Variants in DIP2C observed in about 807,000 individuals in gnomAD.
The protein encoded by DIP2C is disco-interacting protein 2 homolog C.
DIP2C carries 33 observed loss-of-function variants against 192.4 expected under a neutral mutation model. The ratio of observed to expected loss-of-function variants is 0.17; its 90% CI spans 0.13 to 0.23. DIP2C has a LOEUF of 0.23. Among genes scored for constraint, DIP2C ranks in the 10% least tolerant of loss-of-function variants. The pLI, the probability that DIP2C is intolerant of heterozygous loss-of-function variation, is 1.00. For synonymous variants in DIP2C, 979 were observed against 864.1 expected, an observed-to-expected ratio of 1.13 and a Z score of -2.33; for missense variants, 1,537 against 2,110.1, an observed-to-expected ratio of 0.73 and a Z score of 5.32.
rs1316756659 is a variant in DIP2C at position 389,975 on chromosome 10, G to A, written c.1597+16C>T. 8 of 1,605,164 alleles carry A rather than the reference G, an allele frequency of 5.0e-6. No individual in the cohort carries two copies. Among genetic ancestry groups the A allele is most frequent in the Non-Finnish European group, 6.0e-6 (7 of 1,174,862 alleles). On this transcript the variant is annotated intron_variant, in intron 13 of 36. Transcript: ENST00000280886. The stretch of plus-strand genomic sequence containing the variant: ...TTAGAACCAGGGTCCCAAGGAGTCA[G>A]GGTCTGGCACCCCACCTTCCGTGTA...
chr10:638,757 C>A (rs1344935568), intron 1 of DIP2C, among the ~76,000 whole-genome samples: 1 of 152,220 alleles, frequency 6.6e-6, no homozygotes, highest in East Asian at 1.9e-4. Flanking sequence ...GGCATTTATT[C>A]ACCCAGGACA....
At chr10:420,819 G>A (rs1268666152) in intron 5 of DIP2C, among the ~76,000 whole-genome samples, 1 of 152,114 alleles carries the variant, frequency 6.6e-6, no homozygotes, top group Admixed American at 6.5e-5. Context: ...CTGCAGCCCT[G>A]GGCTTTTCTC....
intron 1 of DIP2C, among the ~76,000 whole-genome samples, chr10:534,664 G>T (rs1251982912): frequency 7.3e-6 from 1 of 136,870 alleles, no homozygotes; most frequent in African/African-American, 2.8e-5. Flanking sequence ...TCTGCTGGAT[G>T]ATTATTATTT....
intron 1 of DIP2C, among the ~76,000 whole-genome samples, chr10:647,315 C>T (rs1286051761): frequency 3.6e-3 from 123 of 33,988 alleles, no homozygotes; most frequent in Admixed American, 6.0e-3. Flanking sequence ...CATTGGACGG[C>T]GGGAGAGAAC....
chr10:584,286 T>C (rs1302129545), intron 1 of DIP2C, among the ~76,000 whole-genome samples: 3 of 152,258 alleles, frequency 2.0e-5, no homozygotes, highest in Non-Finnish European at 4.4e-5. Flanking sequence ...AGCCATCATG[T>C]CCTGTTGAAA....
intron 1 of DIP2C, among the ~76,000 whole-genome samples, chr10:548,115 G>A (rs958761478): frequency 4.6e-5 from 7 of 151,962 alleles, no homozygotes; most frequent in East Asian, 1.9e-4. Context: ...ACCAGGTGGT[G>A]TGGTGGTCCC....
chr10:582,225 G>A (rs939357212), intron 1 of DIP2C, among the ~76,000 whole-genome samples: 2 of 152,254 alleles, frequency 1.3e-5, no homozygotes, highest in Non-Finnish European at 1.5e-5. Context: ...AAGCCCTACC[G>A]GCCAGCACCC....
intron 9 of DIP2C, among the ~76,000 whole-genome samples, chr10:400,827 T>C (rs1378844234): frequency 5.3e-5 from 8 of 151,154 alleles, no homozygotes; most frequent in Admixed American, 3.3e-4. Flanking sequence ...AAGTTTGGTA[T>C]GTGTTCCTCA....
At chr10:640,451 C>T (rs1855107752) in intron 1 of DIP2C, among the ~76,000 whole-genome samples, 1 of 152,236 alleles carries the variant, frequency 6.6e-6, no homozygotes, top group Non-Finnish European at 1.5e-5. Context: ...GGCTCCCTTG[C>T]GCCCTGACAG....
At chr10:340,365 G>C (rs1958084480) in intron 29 of DIP2C, among the ~76,000 whole-genome samples, 1 of 151,866 alleles carries the variant, frequency 6.6e-6, no homozygotes, top group Non-Finnish European at 1.5e-5. Flanking sequence ...AAAAAAAAGG[G>C]GGGAAAGCAG....
At chr10:435,723 C>T (rs1010745976) in intron 4 of DIP2C, among the ~76,000 whole-genome samples, 3 of 152,156 alleles carry the variant, frequency 2.0e-5, no homozygotes, top group South Asian at 2.1e-4. Flanking sequence ...AAGATTATCA[C>T]GTATGGAACC....
At chr10:670,680 T>A (rs1037441056) in intron 1 of DIP2C, among the ~76,000 whole-genome samples, 2 of 152,226 alleles carry the variant, frequency 1.3e-5, no homozygotes, top group African/African-American at 2.4e-5. Context: ...ATTTTCACAA[T>A]TTTAAGTAAT....
intron 4 of DIP2C, among the ~76,000 whole-genome samples, chr10:429,811 T>TA (rs1424983925): frequency 1.3e-5 from 2 of 152,078 alleles, no homozygotes; most frequent in African/African-American, 4.8e-5. Context: ...TGCTTCCAAG[T>TA]TTTGGCAATT....
At chr10:624,655 C>T (rs1241142499) in intron 1 of DIP2C, among the ~76,000 whole-genome samples, 2 of 152,160 alleles carry the variant, frequency 1.3e-5, no homozygotes, top group East Asian at 3.9e-4. Flanking sequence ...AGGCGAGCGT[C>T]GGTCTTGCTC....
At chr10:428,181 TAAA>T (rs1478783893) in intron 4 of DIP2C, among the ~76,000 whole-genome samples, 3 of 152,176 alleles carry the variant, frequency 2.0e-5, no homozygotes, top group South Asian at 2.1e-4. Context: ...TCTAAGATCA[TAAA>T]AAACTAAAAA....
At chr10:591,733 G>A (rs531504962) in intron 1 of DIP2C, among the ~76,000 whole-genome samples, 27 of 152,202 alleles carry the variant, frequency 1.8e-4, no homozygotes, top group African/African-American at 5.8e-4. Flanking sequence ...CAAGGTAACC[G>A]AGACTCCAAA....
intron 1 of DIP2C, among the ~76,000 whole-genome samples, chr10:538,620 G>A (rs1847823278): frequency 1.3e-5 from 2 of 152,150 alleles, no homozygotes; most frequent in Admixed American, 6.5e-5. Flanking sequence ...GTCAGCCTCT[G>A]GGTTTCAGTG....
intron 9 of DIP2C, among the ~76,000 whole-genome samples, chr10:404,474 G>A (rs1044135312): frequency 6.6e-6 from 1 of 152,282 alleles, no homozygotes; most frequent in South Asian, 2.1e-4. Context: ...CTCTCGAAGT[G>A]CTGGGATTCC....
chr10:457,251 C>T (rs1969379418), intron 3 of DIP2C, among the ~76,000 whole-genome samples: 1 of 152,180 alleles, frequency 6.6e-6, no homozygotes, highest in Non-Finnish European at 1.5e-5. Context: ...TATTGTCTCA[C>T]TTCTCCCTTC....
Sources: gnomAD v4.1 joint callset for allele counts (sites outside exome capture counted in the v4.1 genomes callset) on GRCh38, gnomAD v4.1.1 for gene constraint, MANE v1.5 for transcripts, NCBI Gene and HGNC (gene_info 2026-07-23, HGNC 2026-07-21) for gene names.